ATXN7L1: variants seen among roughly 807,000 people sequenced by gnomAD.
The protein encoded by ATXN7L1 is ataxin-7-like protein 1.
In ATXN7L1, 15 loss-of-function variants were observed where a neutral mutation model predicts 70.8. That is an observed-to-expected ratio of 0.21 (90% CI 0.14 to 0.33). ATXN7L1 has a LOEUF of 0.33. ATXN7L1 is among the 10% of genes least tolerant of loss of function. The pLI is 1.00. For synonymous variants in ATXN7L1, 440 were observed against 445.1 expected, an observed-to-expected ratio of 0.99 and a Z score of 0.14; for missense variants, 975 against 1,097.1, an observed-to-expected ratio of 0.89 and a Z score of 1.57.
intron 2 of ATXN7L1, among the ~76,000 whole-genome samples, chr7:105,839,951 C>T (rs1387839413): frequency 2.0e-5 from 3 of 152,224 alleles, no homozygotes; most frequent in Admixed American, 2.0e-4. Flanking sequence ...CTGCATGGGT[C>T]TGAGGTTTAG....
At chr7:105,732,900 T>A (rs982420302) in intron 3 of ATXN7L1, among the ~76,000 whole-genome samples, 10 of 152,208 alleles carry the variant, frequency 6.6e-5, no homozygotes, top group African/African-American at 2.4e-4. Flanking sequence ...GACTGGAATG[T>A]TACTCCCCTA....
At chr7:105,783,857 A>C (rs540383554) in intron 3 of ATXN7L1, among the ~76,000 whole-genome samples, 2 of 152,192 alleles carry the variant, frequency 1.3e-5, no homozygotes, top group Non-Finnish European at 2.9e-5. Context: ...AAATGTGGGT[A>C]ACCTGGGGAC....
At chr7:105,639,083 G>A (rs1797781969) in intron 6 of ATXN7L1, among the ~76,000 whole-genome samples, 1 of 152,066 alleles carries the variant, frequency 6.6e-6, no homozygotes, top group African/African-American at 2.4e-5. Flanking sequence ...TGGCCACCCC[G>A]GTGTGGCTGG....
intron 2 of ATXN7L1, among the ~76,000 whole-genome samples, chr7:105,856,950 C>A (rs188380127): frequency 1.3e-5 from 2 of 152,158 alleles, no homozygotes; most frequent in Non-Finnish European, 2.9e-5. Context: ...CAAAAAAAGA[C>A]GGCATGGAGT....
rs949250739 is a variant in ATXN7L1 at position 105,605,780 on chromosome 7, T to G, written c.*2072A>C. The stretch of plus-strand genomic sequence containing the variant: ...AAATTGTGCAAAAATAACAAAGATA[T>G]GTACATACTTTTCAGTCTGAAGAAA... On this transcript the variant is annotated 3_prime_UTR_variant, in exon 12 of 12. Transcript: ENST00000419735. 1 of 152,214 alleles carries G rather than the reference T, an allele frequency of 6.6e-6. No homozygotes were observed. The highest frequency in any genetic ancestry group is 1.5e-5 in the Non-Finnish European group (1 of 68,034). 9.4% of individuals were successfully genotyped at this position (152,214 alleles called of 1,614,324 possible). A position where few individuals can be genotyped will look rare whatever the true frequency, so the allele number is the denominator to read the frequency against.
chr7:105,768,864 G>A lies in ATXN7L1; in HGVS notation c.355+19740C>T, dbSNP rs537963602. ...CAGCTAGAGGATGTATTCATTGCAT[G>A]TAAATCTAGAATTAGAAACTGTAAA... On this transcript the variant is annotated intron_variant, in intron 3 of 11. Transcript: ENST00000419735. 2.6e-5 allele frequency among the ~76,000 whole-genome samples: 4 copies of A among 152,380 alleles called. No individual in the cohort carries two copies. The East Asian group carries it at 5.8e-4, about 22-fold the overall frequency.
chr7:105,870,270 A>G (rs1288031161), intron 2 of ATXN7L1, among the ~76,000 whole-genome samples: 1 of 112,022 alleles, frequency 8.9e-6, no homozygotes, highest in Non-Finnish European at 1.8e-5. Context: ...TGACAGAGGG[A>G]GACTCCATTT....
chr7:105,750,733 G>A (rs1246411493), intron 3 of ATXN7L1, among the ~76,000 whole-genome samples: 1 of 152,142 alleles, frequency 6.6e-6, no homozygotes, highest in Non-Finnish European at 1.5e-5. Flanking sequence ...AACCCGGGAC[G>A]TGGAGGTTGC....
chr7:105,788,062 G>C (rs565929599), intron 3 of ATXN7L1: 1 of 153,570 alleles, frequency 6.5e-6, no homozygotes, highest in African/African-American at 2.4e-5. Flanking sequence ...GTTTAGAGAC[G>C]GAAAGCAGTT....
chr7:105,757,120 A>G (rs541678201), intron 3 of ATXN7L1, among the ~76,000 whole-genome samples: 3 of 152,364 alleles, frequency 2.0e-5, no homozygotes, highest in Admixed American at 2.0e-4. Flanking sequence ...GGAATAAAAG[A>G]AATTAGGCGA....
At chr7:105,664,482 GTA>G (rs1030334075) in intron 4 of ATXN7L1, among the ~76,000 whole-genome samples, 1 of 142,488 alleles carries the variant, frequency 7.0e-6, no homozygotes, top group African/African-American at 2.6e-5. Context: ...TATAATATAT[GTA>G]TACATATATG....
intron 4 of ATXN7L1, among the ~76,000 whole-genome samples, chr7:105,655,614 C>G (rs1800500872): frequency 6.6e-6 from 1 of 152,200 alleles, no homozygotes. Flanking sequence ...TCTGTGTCTT[C>G]AGGGAGCCAT....
In ATXN7L1 at chr7:105,630,386, C is replaced by G. The variant is rs186107121; in HGVS notation, c.1203-6119G>C. 2.4e-4 allele frequency among the ~76,000 whole-genome samples: 36 copies of G among 152,336 alleles called. 1 individual carries two copies. The East Asian group carries it at 6.0e-3, about 25-fold the overall frequency. On this transcript the variant is annotated intron_variant, in intron 7 of 11. Transcript: ENST00000419735. ...CGATGACTTCCTAACATCCATTTAA[C>G]TCCTAAACCAATAATAGGAATCTCT...
intron 3 of ATXN7L1, among the ~76,000 whole-genome samples, chr7:105,781,662 T>C (rs1369171296): frequency 7.3e-6 from 1 of 136,216 alleles, no homozygotes; most frequent in Non-Finnish European, 1.6e-5. Context: ...TGTGAAACTT[T>C]TTTTTTAAAG....
chr7:105,804,140 G>C (rs558116828), intron 2 of ATXN7L1, among the ~76,000 whole-genome samples: 4 of 152,320 alleles, frequency 2.6e-5, no homozygotes, highest in East Asian at 1.9e-4. Flanking sequence ...TCTGGCCTTT[G>C]AGCAGAGTCT....
rs540600359 is a variant in ATXN7L1 at position 105,721,999 on chromosome 7, T to G, written c.356-56711A>C. ...TCTTTTTAAGAGGGGTGTGTGTGAG[T>G]GAGTGAGTGAGTGTGTGTATGCGCA... On this transcript the variant is annotated intron_variant, in intron 3 of 11. Coordinates refer to ENST00000419735, the MANE Select transcript of ATXN7L1 (RefSeq NM_020725.2). Among the ~76,000 whole-genome samples the G allele has an allele frequency of 2.0e-5, 3 of 152,316 alleles. No homozygotes were observed. The East Asian group carries it at 5.8e-4, about 29-fold the overall frequency.
chr7:105,627,407 A>C (rs1489196691), intron 7 of ATXN7L1, among the ~76,000 whole-genome samples: 1 of 151,740 alleles, frequency 6.6e-6, no homozygotes, highest in African/African-American at 2.4e-5. Flanking sequence ...GCTAATTTTA[A>C]AATTTTTTAT....
chr7:105,623,627 G>A (rs1202643152), intron 8 of ATXN7L1, among the ~76,000 whole-genome samples: 1 of 152,186 alleles, frequency 6.6e-6, no homozygotes, highest in African/African-American at 2.4e-5. Context: ...CAACAGGGGA[G>A]AATACCAACA....
At chr7:105,721,987 GGTGT>G (rs914556423) in intron 3 of ATXN7L1, among the ~76,000 whole-genome samples, 5 of 152,238 alleles carry the variant, frequency 3.3e-5, no homozygotes, top group Non-Finnish European at 4.4e-5. Flanking sequence ...TTTTAAGAGG[GGTGT>G]GTGTGAGTGA....
Sources: gnomAD v4.1 joint callset for allele counts (sites outside exome capture counted in the v4.1 genomes callset) on GRCh38, gnomAD v4.1.1 for gene constraint, MANE v1.5 for transcripts, NCBI Gene and HGNC (gene_info 2026-07-23, HGNC 2026-07-21) for gene names.